Variants in ZNF564 observed in about 807,000 individuals in gnomAD.
The protein encoded by ZNF564 is zinc finger protein 564.
Under a neutral mutation model 10.5 loss-of-function variants are expected in ZNF564, and 5 were observed. The observed-to-expected ratio is 0.48, with a 90% CI of 0.25 to 1.00. ZNF564 has a LOEUF of 1.00. Ranked by LOEUF, ZNF564 falls within the 50% of genes least tolerant of loss-of-function variation. The probability of loss-of-function intolerance (pLI) is 0.16; values close to 1 mark genes in which losing one functional copy is unlikely to be tolerated. For synonymous variants in ZNF564, 242 were observed against 218.1 expected, an observed-to-expected ratio of 1.11 and a Z score of -0.97; for missense variants, 603 against 669.7, an observed-to-expected ratio of 0.90 and a Z score of 1.10.
At chr19:12,536,080 T>C (rs1291738062) in intron 1 of ZNF564, among the ~76,000 whole-genome samples, 1 of 151,492 alleles carries the variant, frequency 6.6e-6, no homozygotes, top group African/African-American at 2.4e-5. Flanking sequence ...TACTTAATGA[T>C]CAATTTTTCT....
chr19:12,551,393 C>G lies in ZNF564; in HGVS notation c.-61G>C. On this transcript the variant is annotated 5_prime_UTR_variant, in exon 1 of 4. Transcript: ENST00000339282. ...CGGCTCTCTCCGGCCTGTGCAGGTCCCAGCGCGCCAGACGCTGCGGTGGAG... is the reference window on the plus strand; with the variant it reads ...CGGCTCTCTCCGGCCTGTGCAGGTCGCAGCGCGCCAGACGCTGCGGTGGAG... 6.6e-7 allele frequency: 1 copy of G among 1,515,808 alleles called. No individual in the cohort carries two copies. The highest frequency in any genetic ancestry group is 8.9e-7 in the Non-Finnish European group (1 of 1,127,972). The allele number at this position is 1,515,808 out of a possible 1,614,324, so 93.9% of individuals were successfully genotyped here.
intron 1 of ZNF564, among the ~76,000 whole-genome samples, chr19:12,546,543 C>G (rs1378883458): frequency 6.6e-6 from 1 of 151,904 alleles, no homozygotes; most frequent in South Asian, 2.1e-4. Context: ...CTGGCTAACA[C>G]GGTGAAACCC....
chr19:12,531,608 G>T (rs771664235), intron 1 of ZNF564, among the ~76,000 whole-genome samples: 1 of 151,578 alleles, frequency 6.6e-6, no homozygotes, highest in African/African-American at 2.4e-5. Context: ...AGGCACTGAG[G>T]AAAAAAGACC....
At position 12,549,738 on chromosome 19, in the gene ZNF564, G is replaced by C. The variant is rs371337138; in HGVS notation, c.3+1592C>G. ...TCCTCCCACCTCAGGGCATACAGCT[G>C]CTCCCGTGAGAGGCCCCACCCCTAC... On this transcript the variant is annotated intron_variant, in intron 1 of 3. Transcript: ENST00000339282. Among the ~76,000 whole-genome samples, 5 of 152,070 alleles carry C rather than the reference G, an allele frequency of 3.3e-5. No individual in the cohort carries two copies. In the East Asian group the frequency reaches 5.8e-4, roughly 18 times the overall value.
rs183913460 is a variant in ZNF564 at position 12,533,692 on chromosome 19, A to C, written c.4-4996T>G. On this transcript the variant is annotated intron_variant, in intron 1 of 3. Transcript: ENST00000339282. The stretch of plus-strand genomic sequence containing the variant: ...CAGTGAGCCAAGATCATGCCACTGC[A>C]CTCCAGCCTGGGCGACACAGCAGGC... Among the ~76,000 whole-genome samples, 558 of 123,142 alleles carry C rather than the reference A, an allele frequency of 4.5e-3. 2 individuals carry two copies. In the Middle Eastern group the frequency reaches 0.056, roughly 12 times the overall value. The allele number at this position is 123,142 out of a possible 152,430, so 80.8% of individuals were successfully genotyped here. A position where few individuals can be genotyped will look rare whatever the true frequency, so the allele number is the denominator to read the frequency against.
At chr19:12,541,867 T>C (rs1319500773) in intron 1 of ZNF564, among the ~76,000 whole-genome samples, 2 of 150,240 alleles carry the variant, frequency 1.3e-5, no homozygotes, top group Non-Finnish European at 3.0e-5. Flanking sequence ...TACAAAAAAT[T>C]AGCTGGGCGT....
intron 1 of ZNF564, among the ~76,000 whole-genome samples, chr19:12,539,560 T>G (rs1231605588): frequency 1.4e-5 from 2 of 147,198 alleles, no homozygotes; most frequent in African/African-American, 5.0e-5. Context: ...CCCAGTTACT[T>G]GGGAGGCTGA....
intron 1 of ZNF564, among the ~76,000 whole-genome samples, chr19:12,543,325 G>A (rs1188629388): frequency 6.8e-6 from 1 of 147,174 alleles, no homozygotes; most frequent in African/African-American, 2.5e-5. Context: ...AAAGAGAGAA[G>A]GGGAGGGGAG....
intron 1 of ZNF564, among the ~76,000 whole-genome samples, chr19:12,533,279 C>T (rs1266701609): frequency 6.6e-6 from 1 of 152,054 alleles, no homozygotes; most frequent in East Asian, 1.9e-4. Context: ...TCAAAGAAGT[C>T]TGAGAAATCA....
chr19:12,540,824 A>T (rs969689064), intron 1 of ZNF564, among the ~76,000 whole-genome samples: 9 of 151,940 alleles, frequency 5.9e-5, no homozygotes, highest in Non-Finnish European at 1.2e-4. Context: ...ACTGCACTCC[A>T]GCCTGGGTGA....
intron 1 of ZNF564, among the ~76,000 whole-genome samples, chr19:12,541,140 C>T (rs912368612): frequency 6.7e-6 from 1 of 149,262 alleles, no homozygotes; most frequent in Non-Finnish European, 1.5e-5. Flanking sequence ...GTTCCAGCTA[C>T]TCAAGAGGCT....
intron 1 of ZNF564, among the ~76,000 whole-genome samples, chr19:12,535,630 C>T (rs548801123): frequency 1.7e-4 from 26 of 152,212 alleles, no homozygotes; most frequent in Middle Eastern, 3.4e-3. Context: ...AGTGAATATA[C>T]AATAGTCAAC....
chr19:12,527,475 T>C lies in ZNF564; in HGVS notation c.633A>G (p.Leu211=). 6.2e-7 allele frequency: 1 copy of C among 1,613,926 alleles called. No individual in the cohort carries two copies. Among genetic ancestry groups the C allele is most frequent in the Middle Eastern group, 1.6e-4 (1 of 6,062 alleles). Residue 211 remains leucine, a synonymous_variant, in exon 4 of 4, where the codon TTA becomes TTG. Transcript: ENST00000339282. ...TGTGAGTTCTTTCATGTATCTGAAA[T>C]AAACTTGGGCGATCAAAGGCTTTCC... ...ECGKAFDRPS[L]FQIHERTHTG...
At chr19:12,536,351 A>G (rs1295798741) in intron 1 of ZNF564, among the ~76,000 whole-genome samples, 2 of 152,050 alleles carry the variant, frequency 1.3e-5, no homozygotes, top group African/African-American at 4.8e-5. Context: ...AAATTTTTGT[A>G]TTTTTTGTAG....
intron 1 of ZNF564, among the ~76,000 whole-genome samples, chr19:12,533,556 G>A (rs1052405867): frequency 1.3e-5 from 2 of 151,720 alleles, no homozygotes; most frequent in African/African-American, 2.4e-5. Context: ...GTAAAACCTC[G>A]TCTCTACTAA....
At chr19:12,551,043 T>A (rs12975560) in intron 1 of ZNF564, among the ~76,000 whole-genome samples, 2 of 152,032 alleles carry the variant, frequency 1.3e-5, no homozygotes, top group Non-Finnish European at 2.9e-5. Context: ...CGTGTCCCAG[T>A]ACAAACAATC....
chr19:12,548,566 G>A lies in ZNF564; in HGVS notation c.3+2764C>T, dbSNP rs2022196017. ...GGGGTTTCACCATGTTAGCCAGGATGGTCGCGATCTCCTGACCTCGTGATC... is the reference window on the plus strand; with the variant it reads ...GGGGTTTCACCATGTTAGCCAGGATAGTCGCGATCTCCTGACCTCGTGATC... On this transcript the variant is annotated intron_variant, in intron 1 of 3. Transcript: ENST00000339282. 4 of 464,800 alleles carry A rather than the reference G, an allele frequency of 8.6e-6. No homozygotes were observed. In the Admixed American group the frequency reaches 1.0e-4, roughly 12 times the overall value. The allele number at this position is 464,800 out of a possible 1,614,324, so 28.8% of individuals were successfully genotyped here.
At chr19:12,540,080 T>A (rs1442316325) in intron 1 of ZNF564, among the ~76,000 whole-genome samples, 1 of 152,144 alleles carries the variant, frequency 6.6e-6, no homozygotes, top group Non-Finnish European at 1.5e-5. Flanking sequence ...TGTAACTGAC[T>A]GGCTTAAAAT....
In ZNF564 at chr19:12,535,013, G is replaced by A. The variant is rs150336252; in HGVS notation, c.4-6317C>T. ...TGAACAATCTGCAGTACATCCATAT[G>A]ATTAAATATAATCATATGGATGAAA... On this transcript the variant is annotated intron_variant, in intron 1 of 3. Coordinates refer to ENST00000339282, the MANE Select transcript of ZNF564 (RefSeq NM_144976.4). Among the ~76,000 whole-genome samples the A allele has an allele frequency of 5.9e-5, 9 of 152,194 alleles. 1 individual carries two copies. The Middle Eastern group carries it at 0.024, about 403-fold the overall frequency.
Sources: gnomAD v4.1 joint callset for allele counts (sites outside exome capture counted in the v4.1 genomes callset) on GRCh38, gnomAD v4.1.1 for gene constraint, MANE v1.5 for transcripts, NCBI Gene and HGNC (gene_info 2026-07-23, HGNC 2026-07-21) for gene names.